The following RPTOR variants were observed in gnomAD, a reference collection of about 807,000 sequenced individuals.
RPTOR encodes regulatory associated protein of MTOR complex 1.
RPTOR carries 21 observed loss-of-function variants against 169.9 expected under a neutral mutation model. The observed-to-expected ratio is 0.12, with a 90% CI of 0.09 to 0.18. RPTOR has a LOEUF of 0.18. Among genes scored for constraint, RPTOR ranks in the 10% least tolerant of loss-of-function variants. The probability of loss-of-function intolerance (pLI) is 1.00; values close to 1 mark genes in which losing one functional copy is unlikely to be tolerated. For synonymous variants in RPTOR, 732 were observed against 753.2 expected, an observed-to-expected ratio of 0.97 and a Z score of 0.46; for missense variants, 1,133 against 1,855.9, an observed-to-expected ratio of 0.61 and a Z score of 7.16.
chr17:80,656,174 G>A (rs994764095), intron 3 of RPTOR, among the ~76,000 whole-genome samples: 3 of 152,154 alleles, frequency 2.0e-5, no homozygotes, highest in Non-Finnish European at 4.4e-5. Flanking sequence ...AGGTTGAAGC[G>A]ATTCTCCTGT....
intron 3 of RPTOR, among the ~76,000 whole-genome samples, chr17:80,690,653 T>G (rs2065983601): frequency 6.6e-6 from 1 of 152,070 alleles, no homozygotes. Flanking sequence ...TCCCCTAGAT[T>G]CTGGTTCAGT....
chr17:80,771,312 C>T (rs2066840821), intron 6 of RPTOR, among the ~76,000 whole-genome samples: 1 of 152,238 alleles, frequency 6.6e-6, no homozygotes, highest in Non-Finnish European at 1.5e-5. Context: ...GATAATCCCT[C>T]CTTCCTCACG....
chr17:80,777,304 G>A (rs1041017547), intron 6 of RPTOR, among the ~76,000 whole-genome samples: 1 of 151,910 alleles, frequency 6.6e-6, no homozygotes, highest in Non-Finnish European at 1.5e-5. Flanking sequence ...AGACAGGAAA[G>A]GTCATCTGGA....
At chr17:80,674,781 C>CTGA (rs2143690678) in intron 3 of RPTOR, among the ~76,000 whole-genome samples, 1 of 94,706 alleles carries the variant, frequency 1.1e-5, no homozygotes, top group Non-Finnish European at 1.8e-5. Context: ...GAGCAAGACT[C>CTGA]TGTCTCAAAA....
At chr17:80,627,183 G>T (rs1019655557) in intron 2 of RPTOR, among the ~76,000 whole-genome samples, 1 of 152,112 alleles carries the variant, frequency 6.6e-6, no homozygotes, top group African/African-American at 2.4e-5. Flanking sequence ...CCACGCCCAG[G>T]CAATTTTTGT....
At chr17:80,737,444 G>C (rs1008613466) in intron 5 of RPTOR, among the ~76,000 whole-genome samples, 7 of 152,184 alleles carry the variant, frequency 4.6e-5, no homozygotes, top group African/African-American at 9.7e-5. Flanking sequence ...TTTCCGGCAG[G>C]GGGGCGGTGG....
In RPTOR at chr17:80,820,142, CT is replaced by C. The variant is rs1345564385; in HGVS notation, c.891-2058del. Reference sequence around the variant, plus strand: ...CGGGCCACTTATGTGTTTACTGATCCTAGGCCACAGAGCTTCGGCGTGTGGT... The same window carrying C: ...CGGGCCACTTATGTGTTTACTGATCCAGGCCACAGAGCTTCGGCGTGTGGT... On this transcript the variant is annotated intron_variant, in intron 7 of 33. Coordinates refer to ENST00000306801, the MANE Select transcript of RPTOR (RefSeq NM_020761.3). The surrounding 1 kb of genome is among the most constrained non-coding windows in gnomAD (Gnocchi z 4.1). Among the ~76,000 whole-genome samples, 12 of 152,202 alleles carry C rather than the reference CT, an allele frequency of 7.9e-5. No homozygotes were observed.
rs1442771639 is a variant in RPTOR, at chr17:80,602,365, C to T, written c.163-23326C>T. Among the ~76,000 whole-genome samples the T allele has an allele frequency of 4.0e-4, 24 of 59,442 alleles. 9 individuals carry two copies. Among genetic ancestry groups the T allele is most frequent in the Non-Finnish European group, 1.1e-4 (3 of 27,182 alleles). The allele number at this position is 59,442 out of a possible 152,430, so 39.0% of individuals were successfully genotyped here. ...CTCCCGGACGGGGCGGCTGGCTGGG[C>T]AGGGGGGCTGACCCCCCCACCTCCC... On this transcript the variant is annotated intron_variant, in intron 1 of 33. Transcript: ENST00000306801.
In RPTOR at chr17:80,878,370, G is replaced by A. The variant is rs11655385; in HGVS notation, c.1510-2045G>A. 0.22 allele frequency among the ~76,000 whole-genome samples: 33,893 copies of A among 151,372 alleles called. 4,025 individuals are homozygous for A. The highest frequency in any genetic ancestry group is 0.37 in the East Asian group (1,907 of 5,146). ...AGCACAGATTTTTTTTTTTTGAGAC[G>A]TAGTCTTGCTCTGTCGCCCAGGCTG... On this transcript the variant is annotated intron_variant, in intron 13 of 33. Transcript: ENST00000306801. This position sits in a 1 kb window ranked among gnomAD's most constrained non-coding sequence, Gnocchi z 4.1.
chr17:80,613,442 G>A (rs760383829), intron 1 of RPTOR, among the ~76,000 whole-genome samples: 5 of 152,220 alleles, frequency 3.3e-5, no homozygotes, highest in African/African-American at 9.6e-5. Context: ...TAATGAAGAC[G>A]TTCAAAGTGA....
chr17:80,767,100 C>T (rs1173852491), intron 6 of RPTOR, among the ~76,000 whole-genome samples: 4 of 152,158 alleles, frequency 2.6e-5, no homozygotes, highest in Admixed American at 6.5e-5. Context: ...GGGCCAGGTG[C>T]GGGGGCTCAT....
intron 5 of RPTOR, among the ~76,000 whole-genome samples, chr17:80,745,510 T>C (rs1367048187): frequency 2.5e-5 from 3 of 122,082 alleles, no homozygotes; most frequent in Non-Finnish European, 5.8e-5. Context: ...ATCAACAATA[T>C]ATTAAAAATA....
At chr17:80,725,830 C>T (rs994908398) in intron 4 of RPTOR, among the ~76,000 whole-genome samples, 1 of 152,222 alleles carries the variant, frequency 6.6e-6, no homozygotes, top group Non-Finnish European at 1.5e-5. Context: ...GGGATACAGA[C>T]TTCCAAATTG....
At chr17:80,940,888 C>G (rs1375294918) in intron 25 of RPTOR, among the ~76,000 whole-genome samples, 2 of 152,340 alleles carry the variant, frequency 1.3e-5, no homozygotes, top group East Asian at 3.9e-4. Flanking sequence ...GACCCTGCCT[C>G]TTCCTCTGCA....
intron 1 of RPTOR, among the ~76,000 whole-genome samples, chr17:80,550,780 CCAGTCCAGG>C: frequency 6.6e-6 from 1 of 152,276 alleles, no homozygotes; most frequent in African/African-American, 2.4e-5. Flanking sequence ...TGATGCAGCC[CCAGTCCAGG>C]CAGCCACCGT....
intron 21 of RPTOR, among the ~76,000 whole-genome samples, chr17:80,917,342 G>A (rs974035138): frequency 1.3e-5 from 2 of 151,972 alleles, no homozygotes; most frequent in South Asian, 2.1e-4. Flanking sequence ...TTGAACTCCC[G>A]ACCTCCAGTG....
At chr17:80,877,074 T>C (rs1417646404) in intron 13 of RPTOR, among the ~76,000 whole-genome samples, 1 of 145,006 alleles carries the variant, frequency 6.9e-6, no homozygotes, top group Non-Finnish European at 1.5e-5. Context: ...TGCTGGGTCT[T>C]CCCACTGAGC....
chr17:80,822,862 TATGTATGC>T (rs1009309777), intron 8 of RPTOR, among the ~76,000 whole-genome samples: 5 of 152,176 alleles, frequency 3.3e-5, no homozygotes, highest in African/African-American at 1.2e-4. Flanking sequence ...CACACACATG[TATGTATGC>T]ATGTGTGCAT....
intron 5 of RPTOR, among the ~76,000 whole-genome samples, chr17:80,742,338 G>A (rs577113259): frequency 6.6e-5 from 10 of 152,228 alleles, no homozygotes; most frequent in Middle Eastern, 3.4e-3. Context: ...GGCTGGAGGC[G>A]GAGCATCGAC....
Sources: gnomAD v4.1 joint callset for allele counts (sites outside exome capture counted in the v4.1 genomes callset) on GRCh38, gnomAD v4.1.1 for gene constraint, Gnocchi (gnomAD v3.1) non-coding constraint, MANE v1.5 for transcripts, NCBI Gene and HGNC (gene_info 2026-07-23, HGNC 2026-07-21) for gene names.